The following AP1G1 variants were observed in gnomAD, a reference collection of about 807,000 sequenced individuals.
The protein encoded by AP1G1 is adaptor related protein complex 1 subunit gamma 1.
AP1G1 carries 7 observed loss-of-function variants against 108.3 expected under a neutral mutation model. The observed-to-expected ratio is 0.06, with a 90% CI of 0.04 to 0.12. The LOEUF (loss-of-function observed/expected upper bound fraction) is 0.12, where lower values mean the gene tolerates loss of function less well. Among genes scored for constraint, AP1G1 ranks in the 10% least tolerant of loss-of-function variants. AP1G1 has a pLI of 1.00. For missense variants in AP1G1, 756 were observed against 1,010.7 expected (o/e 0.75, Z 3.42); for synonymous variants, 379 against 353.5 (o/e 1.07, Z -0.81).
intron 9 of AP1G1, among the ~76,000 whole-genome samples, chr16:71,763,962 G>A (rs1046161388): frequency 6.6e-6 from 1 of 151,998 alleles, no homozygotes; most frequent in African/African-American, 2.4e-5. Context: ...AAAACTGATA[G>A]GTAAAAGTCT....
At position 71,803,521 on chromosome 16, in the gene AP1G1, T is replaced by C. The variant is rs1313136588; in HGVS notation, c.-4+5242A>G. Among the ~76,000 whole-genome samples, 5 of 152,154 alleles carry C rather than the reference T, an allele frequency of 3.3e-5. No individual in the cohort carries two copies. In the East Asian group the frequency reaches 9.6e-4, roughly 29 times the overall value. On this transcript the variant is annotated intron_variant, in intron 1 of 22. Transcript: ENST00000299980. The stretch of plus-strand genomic sequence containing the variant: ...ACACATTTGGCAAGTGAGTTTTTTT[T>C]CTCCCACTTCTGGACCCTTCAAACT...
intron 1 of AP1G1, among the ~76,000 whole-genome samples, chr16:71,796,586 A>T (rs2032592725): frequency 1.3e-5 from 2 of 152,096 alleles, no homozygotes; most frequent in African/African-American, 4.8e-5. Flanking sequence ...ATTGGTCTCA[A>T]TCACCCCTAG....
chr16:71,763,879 A>G (rs1597058257), intron 9 of AP1G1, among the ~76,000 whole-genome samples: 1 of 152,288 alleles, frequency 6.6e-6, no homozygotes, highest in South Asian at 2.1e-4. Context: ...TGAGAAAAAA[A>G]TGAGGGAAAT....
intron 18 of AP1G1, 25 bp downstream of exon 18, chr16:71,745,448 G>A: frequency 1.2e-6 from 2 of 1,614,054 alleles, no homozygotes; most frequent in Non-Finnish European, 1.7e-6. Context: ...AGAAGCCCCA[G>A]ATGAGCAAGT....
chr16:71,745,350 T>G, intron 18 of AP1G1, 80 bp from the exon 19 acceptor site: 1 of 1,599,478 alleles, frequency 6.3e-7, no homozygotes, highest in East Asian at 2.2e-5. Flanking sequence ...TTTCAATATG[T>G]AAAAATAAGG....
At chr16:71,780,252 G>A (rs533111776) in intron 2 of AP1G1, among the ~76,000 whole-genome samples, 171 of 152,002 alleles carry the variant, frequency 1.1e-3, no homozygotes, top group African/African-American at 3.5e-3. Context: ...TTTTGGCCTC[G>A]TGCTGGGATT....
chr16:71,762,283 C>T (rs990990964), intron 9 of AP1G1, among the ~76,000 whole-genome samples: 4 of 151,976 alleles, frequency 2.6e-5, no homozygotes, highest in African/African-American at 7.3e-5. Context: ...TGAACAATTC[C>T]ACTTATATGA....
intron 21 of AP1G1, among the ~76,000 whole-genome samples, chr16:71,736,749 CTAA>C (rs1352980019): frequency 9.8e-6 from 1 of 102,044 alleles, no homozygotes; most frequent in Admixed American, 1.3e-4. Context: ...CCACGCCCGG[CTAA>C]TTTTTTTTTT....
chr16:71,801,622 T>G (rs1382762275), intron 1 of AP1G1, among the ~76,000 whole-genome samples: 1 of 152,036 alleles, frequency 6.6e-6, no homozygotes, highest in Non-Finnish European at 1.5e-5. Context: ...GTTGACATGA[T>G]GCTTGAAGAA....
At chr16:71,744,262 G>A (rs191604022) in intron 19 of AP1G1, among the ~76,000 whole-genome samples, 1 of 152,058 alleles carries the variant, frequency 6.6e-6, no homozygotes, top group Non-Finnish European at 1.5e-5. Context: ...AATAAAAGTT[G>A]TATTGGACTC....
At chr16:71,740,351 T>C (rs940013091) in intron 19 of AP1G1, among the ~76,000 whole-genome samples, 2 of 152,140 alleles carry the variant, frequency 1.3e-5, no homozygotes, top group East Asian at 3.8e-4. Flanking sequence ...TGCCAACCCC[T>C]GGAGGGCAAA....
intron 11 of AP1G1, among the ~76,000 whole-genome samples, chr16:71,757,584 GCATAAC>G (rs2030867258): frequency 6.6e-6 from 1 of 152,080 alleles, no homozygotes; most frequent in Admixed American, 6.6e-5. Flanking sequence ...AATTTATCCT[GCATAAC>G]CCTATGAAGT....
intron 19 of AP1G1, among the ~76,000 whole-genome samples, chr16:71,740,723 A>T (rs1001664491): frequency 1.1e-4 from 16 of 152,244 alleles, no homozygotes; most frequent in African/African-American, 3.1e-4. Flanking sequence ...AATACTACAT[A>T]CTATATCAAG....
At chr16:71,801,946 GA>G (rs1031961523) in intron 1 of AP1G1, among the ~76,000 whole-genome samples, 2 of 145,332 alleles carry the variant, frequency 1.4e-5, no homozygotes, top group Admixed American at 1.4e-4. Flanking sequence ...AAAAAGAAAA[GA>G]AAAAAATGCT....
At chr16:71,801,238 G>T (rs983664627) in intron 1 of AP1G1, among the ~76,000 whole-genome samples, 1 of 151,514 alleles carries the variant, frequency 6.6e-6, no homozygotes, top group Non-Finnish European at 1.5e-5. Flanking sequence ...CCCAGGAGGC[G>T]GAGATTCCCA....
chr16:71,748,400 A>T, intron 15 of AP1G1, 22 bp from the exon 16 acceptor site: 1 of 1,605,574 alleles, frequency 6.2e-7, no homozygotes, highest in Non-Finnish European at 8.5e-7. Context: ...GAGGAAAAAG[A>T]AGACGATGAA....
intron 21 of AP1G1, among the ~76,000 whole-genome samples, chr16:71,738,272 G>A (rs1477199821): frequency 6.6e-6 from 1 of 150,992 alleles, no homozygotes; most frequent in Non-Finnish European, 1.5e-5. Context: ...ATGTTGGCCA[G>A]GTTCTCGAAC....
In AP1G1 at chr16:71,734,615, A is replaced by G. The variant is rs775268273; in HGVS notation, c.2361T>C (p.Pro787=). 6.2e-6 allele frequency: 10 copies of G among 1,610,140 alleles called. No individual in the cohort carries two copies. The highest frequency in any genetic ancestry group is 7.7e-6 in the Non-Finnish European group (9 of 1,176,364). ...TITQVIKVLN[P]QKQQLRMRIK... ...CTACAAATGTGCTACTCACCTTCTG[A>G]GGGTTCAGAACTTTAATGACTTGTG... The change falls in exon 22 of 23, where the codon CCT becomes CCC. Residue 787 remains proline (P), a synonymous_variant. Coordinates refer to ENST00000299980, the MANE Select transcript of AP1G1 (RefSeq NM_001128.6).
At chr16:71,739,132 T>G (rs1463589435) in intron 20 of AP1G1, 30 bp from the exon 21 acceptor site, 6 of 1,613,496 alleles carry the variant, frequency 3.7e-6, no homozygotes, top group Non-Finnish European at 5.1e-6. Flanking sequence ...TAAGTCTTAT[T>G]GTAGTCAGCC....
Sources: gnomAD v4.1 joint callset for allele counts (sites outside exome capture counted in the v4.1 genomes callset) on GRCh38, gnomAD v4.1.1 for gene constraint, MANE v1.5 for transcripts, NCBI Gene and HGNC (gene_info 2026-07-23, HGNC 2026-07-21) for gene names.